CNTN5: variants seen among roughly 807,000 people sequenced by gnomAD.
The protein encoded by CNTN5 is contactin 5.
Under a neutral mutation model 129.1 loss-of-function variants are expected in CNTN5, and 77 were observed. That is an observed-to-expected ratio of 0.60 (90% CI 0.50 to 0.72). The LOEUF is 0.72. CNTN5 is among the 30% of genes least tolerant of loss of function. The pLI is 0.00. For missense variants in CNTN5, 1,478 were observed against 1,328.8 expected (o/e 1.11, Z -1.75); for synonymous variants, 509 against 465.6 (o/e 1.09, Z -1.20).
chr11:99,306,027 G>T (rs552839223), intron 1 of CNTN5, among the ~76,000 whole-genome samples: 3 of 151,814 alleles, frequency 2.0e-5, no homozygotes, highest in Non-Finnish European at 4.4e-5. Context: ...ATGTCTAGAA[G>T]AACTATGAGA....
intron 13 of CNTN5, among the ~76,000 whole-genome samples, chr11:100,108,939 G>A (rs1565248352): frequency 1.3e-5 from 2 of 151,842 alleles, no homozygotes; most frequent in Admixed American, 1.3e-4. Flanking sequence ...CTTGAGAGCT[G>A]GCTCTAGAAA....
At chr11:99,069,370 T>C (rs1249756396) in intron 1 of CNTN5, among the ~76,000 whole-genome samples, 2 of 152,140 alleles carry the variant, frequency 1.3e-5, no homozygotes, top group East Asian at 1.9e-4. Flanking sequence ...TGAAGGATGA[T>C]TGAAAAAGAG....
intron 2 of CNTN5, among the ~76,000 whole-genome samples, chr11:99,484,114 TA>T (rs1288761141): frequency 2.0e-5 from 3 of 151,666 alleles, no homozygotes; most frequent in African/African-American, 4.8e-5. Flanking sequence ...TAGAATGAAA[TA>T]ACAATGATCT....
intron 1 of CNTN5, among the ~76,000 whole-genome samples, chr11:99,277,796 G>T (rs1019276197): frequency 1.3e-5 from 2 of 151,562 alleles, no homozygotes; most frequent in Admixed American, 1.3e-4. Context: ...AAAAAATGGA[G>T]CCATTTTAAG....
intron 1 of CNTN5, among the ~76,000 whole-genome samples, chr11:99,111,656 TTA>T (rs954979949): frequency 2.0e-5 from 3 of 151,756 alleles, no homozygotes; most frequent in African/African-American, 7.2e-5. Context: ...CAGATTATAA[TTA>T]TATATATATT....
chr11:99,240,850 C>T (rs1239131641), intron 1 of CNTN5, among the ~76,000 whole-genome samples: 1 of 152,152 alleles, frequency 6.6e-6, no homozygotes. Flanking sequence ...TTCATGATAG[C>T]GTCTGCCCCG....
At chr11:99,656,534 T>A (rs201829902) in intron 3 of CNTN5, among the ~76,000 whole-genome samples, 2 of 121,470 alleles carry the variant, frequency 1.6e-5, no homozygotes, top group Admixed American at 8.8e-5. Context: ...GGAAGAAAGA[T>A]AGTTTAGTAA....
intron 3 of CNTN5, among the ~76,000 whole-genome samples, chr11:99,711,417 T>A (rs770839024): frequency 4.1e-4 from 62 of 152,054 alleles, no homozygotes; most frequent in Middle Eastern, 3.4e-3. Context: ...AAAATAATAT[T>A]AGTTTTATAA....
chr11:100,151,525 G>GCTT (rs745621795), intron 13 of CNTN5, among the ~76,000 whole-genome samples: 2 of 152,108 alleles, frequency 1.3e-5, no homozygotes, highest in Non-Finnish European at 2.9e-5. Flanking sequence ...TTTTTAGAAT[G>GCTT]CTTCTGAACC....
chr11:99,757,044 A>G (rs1218008173), intron 3 of CNTN5, among the ~76,000 whole-genome samples: 2 of 152,026 alleles, frequency 1.3e-5, no homozygotes, highest in Non-Finnish European at 2.9e-5. Flanking sequence ...GATTGCCATA[A>G]CAAATTAGCA....
intron 1 of CNTN5, among the ~76,000 whole-genome samples, chr11:99,223,739 C>T (rs577823028): frequency 1.1e-4 from 16 of 152,300 alleles, no homozygotes; most frequent in African/African-American, 3.6e-4. Context: ...AGTTCTTTCT[C>T]ACAGGTGAAA....
chr11:99,094,276 G>T (rs1866379049), intron 1 of CNTN5, among the ~76,000 whole-genome samples: 1 of 151,864 alleles, frequency 6.6e-6, no homozygotes, highest in Non-Finnish European at 1.5e-5. Flanking sequence ...ATTGTTAGTA[G>T]TACTACCCAT....
intron 13 of CNTN5, among the ~76,000 whole-genome samples, chr11:100,185,048 T>A (rs543446297): frequency 1.3e-5 from 2 of 152,242 alleles, no homozygotes; most frequent in African/African-American, 4.8e-5. Flanking sequence ...CATGTTTGCT[T>A]CCCTTTTCTC....
chr11:100,337,588 T>C, intron 21 of CNTN5: 1 of 738,070 alleles, frequency 1.4e-6, no homozygotes. Context: ...TATTCTACTG[T>C]GGAGGATGAT....
chr11:100,281,996 A>ATT (rs34162956), intron 18 of CNTN5, among the ~76,000 whole-genome samples: 54 of 123,156 alleles, frequency 4.4e-4, no homozygotes, highest in African/African-American at 1.3e-3. Flanking sequence ...TTGGCATTCT[A>ATT]TTTTTTTTTT....
chr11:100,018,830 A>G (rs1156270790), intron 9 of CNTN5, among the ~76,000 whole-genome samples: 14 of 151,974 alleles, frequency 9.2e-5, no homozygotes, highest in Non-Finnish European at 1.5e-5. Flanking sequence ...CGTCTTTGCC[A>G]AAACTTGGTT....
chr11:99,483,748 T>C (rs1945697369), intron 2 of CNTN5, among the ~76,000 whole-genome samples: 1 of 151,926 alleles, frequency 6.6e-6, no homozygotes, highest in South Asian at 2.1e-4. Flanking sequence ...CTAAAATTAG[T>C]ATAGAAGCAT....
rs1232770245 is a variant in CNTN5 at position 100,350,746 on chromosome 11, A to C, written c.3075A>C (p.Glu1025Asp). 7 of 1,608,520 alleles carry C rather than the reference A, an allele frequency of 4.4e-6. No individual in the cohort carries two copies. The African/African-American group carries it at 8.0e-5, about 18-fold the overall frequency. Residue 1025 changes from glutamate to aspartate, a missense_variant, in exon 24 of 25, where the codon GAA becomes GAC. Glu to Asp is a conservative substitution (Grantham distance 45). Coordinates refer to ENST00000524871, the MANE Select transcript of CNTN5 (RefSeq NM_014361.4). ...QEGHSNSQVIETQKLQAVVPL... is the reference protein window; with the variant it reads ...QEGHSNSQVIDTQKLQAVVPL... ...GTCACAGCAACAGCCAAGTTATTGA[A>C]ACACAGAAACTTCAAGCAGTAGTAC...
intron 1 of CNTN5, among the ~76,000 whole-genome samples, chr11:99,052,876 A>G (rs2135181462): frequency 6.6e-6 from 1 of 151,986 alleles, no homozygotes; most frequent in Non-Finnish European, 1.5e-5. Context: ...GCTATAATAA[A>G]AGAAACTTTT....
Sources: gnomAD v4.1 joint callset for allele counts (sites outside exome capture counted in the v4.1 genomes callset) on GRCh38, gnomAD v4.1.1 for gene constraint, MANE v1.5 for transcripts, NCBI Gene and HGNC (gene_info 2026-07-23, HGNC 2026-07-21) for gene names.